The following FRYL variants were observed in gnomAD, a reference collection of about 807,000 sequenced individuals.
FRYL encodes the protein protein furry homolog-like.
A neutral mutation model predicts 351.2 loss-of-function variants in FRYL; 150 were observed. The ratio of observed to expected loss-of-function variants is 0.43; its 90% CI spans 0.37 to 0.49. The LOEUF (loss-of-function observed/expected upper bound fraction) is 0.49, where lower values mean the gene tolerates loss of function less well. Among genes scored for constraint, FRYL ranks in the 20% least tolerant of loss-of-function variants. The pLI, the probability that FRYL is intolerant of heterozygous loss-of-function variation, is 0.00. For missense variants in FRYL, 3,036 were observed against 3,619.3 expected (o/e 0.84, Z 4.13); for synonymous variants, 1,153 against 1,257.1 (o/e 0.92, Z 1.75).
intron 35 of FRYL, among the ~76,000 whole-genome samples, chr4:48,554,826 A>G (rs1256922426): frequency 6.6e-6 from 1 of 152,002 alleles, no homozygotes; most frequent in African/African-American, 2.4e-5. Context: ...CCCAACCCTA[A>G]TCCTATCAAG....
chr4:48,776,026 C>T (rs1775974545), intron 1 of FRYL, among the ~76,000 whole-genome samples: 1 of 141,456 alleles, frequency 7.1e-6, no homozygotes, highest in Admixed American at 7.3e-5. Context: ...CAGTTTAAGA[C>T]AGTCCTATAC....
At position 48,564,914 on chromosome 4, in the gene FRYL, A is replaced by G; in HGVS notation, c.3441+19T>C. 1 of 1,315,026 alleles carries G rather than the reference A, an allele frequency of 7.6e-7. No individual in the cohort carries two copies. The highest frequency in any genetic ancestry group is 2.3e-5 in the East Asian group (1 of 43,216). 81.5% of individuals were successfully genotyped at this position (1,315,026 alleles called of 1,614,324 possible). A position where few individuals can be genotyped will look rare whatever the true frequency, so the allele number is the denominator to read the frequency against. ...AATGACAACTTATTATGAACCTTTA[A>G]GGAAATTGTCATAATTACCTTTTTG... On this transcript the variant is annotated intron_variant, in intron 30 of 63. Coordinates refer to ENST00000358350, the MANE Select transcript of FRYL (RefSeq NM_015030.2).
At chr4:48,645,124 T>TA (rs1756133820) in intron 3 of FRYL, among the ~76,000 whole-genome samples, 4 of 105,446 alleles carry the variant, frequency 3.8e-5, no homozygotes, top group Admixed American at 1.2e-4. Flanking sequence ...AGCTTTCATT[T>TA]TATATATATA....
chr4:48,692,190 T>C (rs1399541380), intron 2 of FRYL, among the ~76,000 whole-genome samples: 1 of 152,204 alleles, frequency 6.6e-6, no homozygotes, highest in African/African-American at 2.4e-5. Context: ...CACTGTTGCA[T>C]TATTTCTTGT....
chr4:48,500,576 C>A (rs1006909532), intron 62 of FRYL, among the ~76,000 whole-genome samples: 1 of 152,018 alleles, frequency 6.6e-6, no homozygotes, highest in African/African-American at 2.4e-5. Context: ...AGATTATTTA[C>A]CCCAGGGTAT....
intron 19 of FRYL, among the ~76,000 whole-genome samples, chr4:48,586,142 A>G (rs1742051384): frequency 6.6e-6 from 1 of 152,172 alleles, no homozygotes; most frequent in East Asian, 1.9e-4. Flanking sequence ...CATTTTACAG[A>G]GCTATGACAT....
chr4:48,507,426 G>T (rs142249062), intron 59 of FRYL, among the ~76,000 whole-genome samples: 2 of 147,726 alleles, frequency 1.4e-5, no homozygotes, highest in East Asian at 4.1e-4. Context: ...AACTGTCGAG[G>T]TTCTACTTCT....
intron 1 of FRYL, among the ~76,000 whole-genome samples, chr4:48,725,735 A>G (rs571852741): frequency 2.0e-4 from 31 of 152,188 alleles, no homozygotes; most frequent in Middle Eastern, 3.4e-3. Flanking sequence ...AGTAATCTTT[A>G]TTTTACTTAA....
intron 2 of FRYL, among the ~76,000 whole-genome samples, chr4:48,706,887 A>G (rs1767417996): frequency 6.6e-6 from 1 of 152,134 alleles, no homozygotes; most frequent in South Asian, 2.1e-4. Context: ...GTGAGCTTGA[A>G]AGCACCCCCA....
Position 48,581,587 on chromosome 4 carries a change from C to T in FRYL, c.2005G>A (p.Ala669Thr), listed in dbSNP as rs1221146156. Reference sequence around the variant, plus strand: ...CTTTCCAGAGGAGGGGGATGAGAAGCTCCATTAGCTACACCATGCTTGAAA... The same window carrying T: ...CTTTCCAGAGGAGGGGGATGAGAAGTTCCATTAGCTACACCATGCTTGAAA... The part of the protein sequence containing the change: ...QDTQHGVANG[A>T]SHPPPLERSP... The change falls in exon 21 of 64, where the codon GCT becomes ACT. Residue 669 changes from alanine to threonine, a missense_variant. By Grantham distance (58) the Ala-to-Thr change is moderately conservative. Transcript: ENST00000358350. 1.2e-6 allele frequency: 2 copies of T among 1,607,842 alleles called. No individual in the cohort carries two copies. The highest frequency in any genetic ancestry group is 1.7e-5 in the Admixed American group (1 of 58,648).
intron 59 of FRYL, among the ~76,000 whole-genome samples, 178 bp downstream of exon 59, chr4:48,509,881 T>G (rs2148759790): frequency 6.6e-6 from 1 of 152,286 alleles, no homozygotes; most frequent in East Asian, 1.9e-4. Flanking sequence ...GGACTGATTT[T>G]TAAAAGCCAA....
chr4:48,543,054 C>T (rs1352820848), intron 44 of FRYL, among the ~76,000 whole-genome samples: 3 of 152,104 alleles, frequency 2.0e-5, no homozygotes, highest in South Asian at 2.1e-4. Context: ...TGTATTCTAG[C>T]GACACCAATT....
chr4:48,763,106 T>TAAA (rs10683757), intron 1 of FRYL, among the ~76,000 whole-genome samples: 5,214 of 91,370 alleles, frequency 0.057, 284 homozygotes, highest in Middle Eastern at 0.12. Flanking sequence ...TACAGATCTG[T>TAAA]AAAAAAAAAA....
At chr4:48,556,371 A>C (rs1355185934) in intron 35 of FRYL, among the ~76,000 whole-genome samples, 1 of 152,254 alleles carries the variant, frequency 6.6e-6, no homozygotes, top group Non-Finnish European at 1.5e-5. Context: ...TGACTTGGGC[A>C]GATCTGGATG....
chr4:48,560,613 C>G (rs4695388), intron 33 of FRYL, among the ~76,000 whole-genome samples: 1 of 152,064 alleles, frequency 6.6e-6, no homozygotes, highest in South Asian at 2.1e-4. Context: ...GTGTTCACGG[C>G]GGCCGCTATT....
intron 31 of FRYL, among the ~76,000 whole-genome samples, chr4:48,563,279 TAAA>T (rs775777275): frequency 2.4e-5 from 3 of 126,244 alleles, no homozygotes; most frequent in Admixed American, 7.9e-5. Context: ...GCTGATGAAC[TAAA>T]AAAAAAAAAA....
intron 5 of FRYL, 62 bp downstream of exon 5, chr4:48,623,064 C>T: frequency 2.1e-6 from 2 of 972,850 alleles, no homozygotes; most frequent in Non-Finnish European, 3.1e-6. Context: ...TACATTTGGG[C>T]CAGACTATTA....
At chr4:48,580,077 A>G (rs1167480978) in intron 22 of FRYL, among the ~76,000 whole-genome samples, 3 of 147,554 alleles carry the variant, frequency 2.0e-5, no homozygotes, top group Non-Finnish European at 4.5e-5. Flanking sequence ...GCGGGGGGGA[A>G]TTGTACAGAT....
At chr4:48,601,736 T>C (rs1745747065) in intron 13 of FRYL, among the ~76,000 whole-genome samples, 1 of 152,102 alleles carries the variant, frequency 6.6e-6, no homozygotes, top group Non-Finnish European at 1.5e-5. Flanking sequence ...TCTAAAAGAA[T>C]TAACAAATAT....
Sources: allele counts gnomAD v4.1 joint callset (sites outside exome capture counted in the v4.1 genomes callset), GRCh38; gene constraint gnomAD v4.1.1; transcripts MANE v1.5; gene names NCBI Gene and HGNC (gene_info 2026-07-23, HGNC 2026-07-21).